LSAMP: variants seen among roughly 807,000 people sequenced by gnomAD.
LSAMP encodes the protein limbic system associated membrane protein.
A neutral mutation model predicts 38.6 loss-of-function variants in LSAMP; 7 were observed. That is an observed-to-expected ratio of 0.18 (90% CI 0.10 to 0.34). LSAMP has a LOEUF of 0.34. LSAMP is among the 10% of genes least tolerant of loss of function. The pLI is 1.00. For synonymous variants in LSAMP, 154 were observed against 166.8 expected, an observed-to-expected ratio of 0.92 and a Z score of 0.59; for missense variants, 313 against 420.0, an observed-to-expected ratio of 0.75 and a Z score of 2.23.
intron 1 of LSAMP, among the ~76,000 whole-genome samples, chr3:116,394,299 A>T (rs943180692): frequency 6.6e-6 from 1 of 152,192 alleles, no homozygotes; most frequent in African/African-American, 2.4e-5. Flanking sequence ...AACTAAATGA[A>T]TGGTTTTTGA....
intron 3 of LSAMP, among the ~76,000 whole-genome samples, chr3:115,983,947 C>A (rs1559908089): frequency 6.6e-6 from 1 of 151,992 alleles, no homozygotes; most frequent in Non-Finnish European, 1.5e-5. Flanking sequence ...ATAGAGGTTG[C>A]AAATTTGTGC....
At chr3:115,828,649 C>A (rs1934506996) in intron 6 of LSAMP, among the ~76,000 whole-genome samples, 1 of 152,212 alleles carries the variant, frequency 6.6e-6, no homozygotes, top group Admixed American at 6.5e-5. Context: ...TGCAAAATTT[C>A]ATTGAGCTCC....
At chr3:116,053,108 A>T (rs1431965977) in intron 2 of LSAMP, among the ~76,000 whole-genome samples, 1 of 152,240 alleles carries the variant, frequency 6.6e-6, no homozygotes, top group Non-Finnish European at 1.5e-5. Flanking sequence ...ATATGGAAAT[A>T]TGGATCTCAA....
chr3:116,115,930 C>A (rs963434628), intron 1 of LSAMP, among the ~76,000 whole-genome samples: 1 of 151,982 alleles, frequency 6.6e-6, no homozygotes, highest in African/African-American at 2.4e-5. Context: ...CGTAGGGCGG[C>A]TTCCACCCCT....
chr3:115,951,652 G>A (rs1478507264), intron 3 of LSAMP, among the ~76,000 whole-genome samples: 2 of 152,124 alleles, frequency 1.3e-5, no homozygotes, highest in Non-Finnish European at 2.9e-5. Flanking sequence ...GCAGAGGAAC[G>A]TGGAAAGACT....
intron 1 of LSAMP, among the ~76,000 whole-genome samples, chr3:116,386,072 T>C (rs1254901981): frequency 1.3e-5 from 2 of 152,112 alleles, no homozygotes; most frequent in Admixed American, 6.6e-5. Flanking sequence ...ATTATATAGA[T>C]GATGAAACTA....
chr3:116,108,934 G>A (rs984942741), intron 1 of LSAMP, among the ~76,000 whole-genome samples: 1 of 152,188 alleles, frequency 6.6e-6, no homozygotes, highest in African/African-American at 2.4e-5. Flanking sequence ...TGAAGGTGAG[G>A]TTAATTAAGT....
At chr3:116,391,669 C>T (rs377299170) in intron 1 of LSAMP, among the ~76,000 whole-genome samples, 3 of 151,972 alleles carry the variant, frequency 2.0e-5, no homozygotes, top group Non-Finnish European at 2.9e-5. Context: ...GGAATGATTC[C>T]GGGGAAATCA....
chr3:116,101,163 T>G (rs529027680), intron 1 of LSAMP, among the ~76,000 whole-genome samples: 92 of 152,334 alleles, frequency 6.0e-4, no homozygotes, highest in Non-Finnish European at 1.1e-3. Flanking sequence ...GCCTCTCATC[T>G]CACATTTATA....
chr3:115,924,212 C>T (rs1456954570), intron 3 of LSAMP, among the ~76,000 whole-genome samples: 1 of 152,118 alleles, frequency 6.6e-6, no homozygotes, highest in Non-Finnish European at 1.5e-5. Context: ...ATGGTAAGCT[C>T]CTTGCCCTTT....
intron 1 of LSAMP, among the ~76,000 whole-genome samples, chr3:116,408,401 C>A (rs913114246): frequency 1.3e-5 from 2 of 152,042 alleles, no homozygotes; most frequent in Admixed American, 6.6e-5. Flanking sequence ...TGTGGAACTT[C>A]TGAAAATAAA....
At chr3:116,332,360 G>A (rs1348467336) in intron 1 of LSAMP, among the ~76,000 whole-genome samples, 1 of 152,082 alleles carries the variant, frequency 6.6e-6, no homozygotes, top group Non-Finnish European at 1.5e-5. Flanking sequence ...AAGAGGTGGT[G>A]GTGAAGCTGT....
intron 1 of LSAMP, among the ~76,000 whole-genome samples, chr3:116,113,405 TATA>T (rs1708662893): frequency 4.7e-5 from 3 of 64,450 alleles, no homozygotes; most frequent in Admixed American, 2.0e-4. Flanking sequence ...TTGCCCTATA[TATA>T]TATATATATA....
rs892299715 is a variant in LSAMP, at chr3:116,234,836, C to T, written c.156-148280G>A. Reference sequence around the variant, plus strand: ...AAATTCTGAAGTGGAATGTACCTCCCAAAATTATATTTCATGGCACATGTG... The same window carrying T: ...AAATTCTGAAGTGGAATGTACCTCCTAAAATTATATTTCATGGCACATGTG... On this transcript the variant is annotated intron_variant, in intron 1 of 6. Coordinates refer to ENST00000490035, the MANE Select transcript of LSAMP (RefSeq NM_002338.5). 9.9e-5 allele frequency among the ~76,000 whole-genome samples: 15 copies of T among 152,066 alleles called. No homozygotes were observed. The East Asian group carries it at 2.1e-3, about 22-fold the overall frequency.
intron 1 of LSAMP, among the ~76,000 whole-genome samples, chr3:116,373,435 T>C (rs2107793929): frequency 6.6e-6 from 1 of 151,560 alleles, no homozygotes; most frequent in Admixed American, 6.6e-5. Context: ...GAAGAAGGAA[T>C]GGGGAGTTAT....
At chr3:115,857,464 T>C (rs577037071) in intron 3 of LSAMP, among the ~76,000 whole-genome samples, 4 of 152,344 alleles carry the variant, frequency 2.6e-5, no homozygotes, top group African/African-American at 9.6e-5. Context: ...GTAGACGAGT[T>C]CTATGGCCAC....
intron 1 of LSAMP, among the ~76,000 whole-genome samples, chr3:116,297,757 G>A (rs1472115640): frequency 6.6e-6 from 1 of 152,130 alleles, no homozygotes; most frequent in Admixed American, 6.5e-5. Context: ...TGGTTTATTT[G>A]TATGTAATAA....
chr3:116,002,460 T>C (rs1323639627), intron 3 of LSAMP, among the ~76,000 whole-genome samples: 1 of 152,178 alleles, frequency 6.6e-6, no homozygotes, highest in African/African-American at 2.4e-5. Flanking sequence ...ACAGGCCTTT[T>C]GAATGCGCAG....
intron 6 of LSAMP, among the ~76,000 whole-genome samples, chr3:115,832,905 T>G (rs1934661985): frequency 6.6e-6 from 1 of 152,210 alleles, no homozygotes; most frequent in Non-Finnish European, 1.5e-5. Context: ...TAGTCCAGAC[T>G]GTTTTTCAGT....
Sources: gnomAD v4.1 joint callset for allele counts (sites outside exome capture counted in the v4.1 genomes callset) on GRCh38, gnomAD v4.1.1 for gene constraint, MANE v1.5 for transcripts, NCBI Gene and HGNC (gene_info 2026-07-23, HGNC 2026-07-21) for gene names.